COL5A1: variants seen among roughly 807,000 people sequenced by gnomAD.
COL5A1 encodes collagen alpha-1(V) chain.
In COL5A1, 16 loss-of-function variants were observed where a neutral mutation model predicts 263.7. The ratio of observed to expected loss-of-function variants is 0.06; its 90% CI spans 0.04 to 0.09. The LOEUF (loss-of-function observed/expected upper bound fraction) is 0.09, where lower values mean the gene tolerates loss of function less well. Ranked by LOEUF, COL5A1 falls within the 10% of genes least tolerant of loss-of-function variation. The pLI, the probability that COL5A1 is intolerant of heterozygous loss-of-function variation, is 1.00. For missense variants in COL5A1, 2,036 were observed against 2,540.5 expected (o/e 0.80, Z 4.27); for synonymous variants, 1,012 against 1,004.5 (o/e 1.01, Z -0.14).
At chr9:134,834,574 C>T (rs1839775320) in intron 64 of COL5A1, among the ~76,000 whole-genome samples, 1 of 152,146 alleles carries the variant, frequency 6.6e-6, no homozygotes, top group African/African-American at 2.4e-5. Flanking sequence ...GCCATCCTGC[C>T]CTCTCTGAAC....
In COL5A1 at chr9:134,824,716, G is replaced by T; in HGVS notation, c.4815G>T (p.Ala1605=). The change falls in exon 62 of 66, where the codon GCG becomes GCT. Residue 1605 remains alanine (A), a synonymous_variant. Transcript: ENST00000371817. ...ATGGCGAGAACTACGTGGACTACGCGGACGGCATGGAAGAGATCTTCGGCT... is the reference window on the plus strand; with the variant it reads ...ATGGCGAGAACTACGTGGACTACGCTGACGGCATGGAAGAGATCTTCGGCT... ...DGNGENYVDY[A]DGMEEIFGSL... 1 of 1,614,220 alleles carries T rather than the reference G, an allele frequency of 6.2e-7. No homozygotes were observed. The highest frequency in any genetic ancestry group is 1.1e-5 in the South Asian group (1 of 91,090).
intron 4 of COL5A1, among the ~76,000 whole-genome samples, chr9:134,726,177 C>G (rs146010397): frequency 0.015 from 2,236 of 152,354 alleles, 20 homozygotes; most frequent in Middle Eastern, 0.041. Context: ...TTTCTCACAA[C>G]AGGCAAAAGC....
At position 134,707,048 on chromosome 9, in the gene COL5A1, C is replaced by T. The variant is rs114968783; in HGVS notation, c.654+5715C>T. ...GGCCCTGAGCTGGCCCAGTGAGCCA[C>T]GTCAGGGAGGCTGGGAGGCGGGACT... On this transcript the variant is annotated intron_variant, in intron 4 of 65. Transcript: ENST00000371817. Among the ~76,000 whole-genome samples the T allele has an allele frequency of 7.1e-3, 1,082 of 152,306 alleles. 10 individuals are homozygous for T. Among genetic ancestry groups the T allele is most frequent in the African/African-American group, 0.024 (1,005 of 41,580 alleles).
chr9:134,804,588 G>A (rs766616576), intron 39 of COL5A1, among the ~76,000 whole-genome samples: 13 of 152,228 alleles, frequency 8.5e-5, no homozygotes, highest in African/African-American at 1.9e-4. Context: ...CCGGAACTCC[G>A]TGGAGCAGGG....
chr9:134,797,867 T>G (rs1434647274), intron 36 of COL5A1, among the ~76,000 whole-genome samples: 2 of 152,226 alleles, frequency 1.3e-5, no homozygotes, highest in Non-Finnish European at 2.9e-5. Context: ...CCTAATTCAG[T>G]TACACTGGCA....
chr9:134,672,540 A>G (rs1832565906), intron 1 of COL5A1, among the ~76,000 whole-genome samples: 1 of 152,252 alleles, frequency 6.6e-6, no homozygotes. Context: ...ATAAAAGAGA[A>G]GCCCCTCAAT....
intron 64 of COL5A1, chr9:134,830,400 G>A (rs1048322102): frequency 7.3e-5 from 44 of 603,448 alleles, no homozygotes; most frequent in Non-Finnish European, 1.1e-4. Flanking sequence ...ATGGTTTTCC[G>A]TTTCTGTGTA....
At chr9:134,810,374 G>C in intron 44 of COL5A1, 66 bp downstream of exon 44, 1 of 1,484,220 alleles carries the variant, frequency 6.7e-7, no homozygotes, top group Non-Finnish European at 9.4e-7. Context: ...CAGGCTGTAG[G>C]CCGTGTGCCA....
Position 134,755,735 on chromosome 9 carries a change from G to A in COL5A1, c.1828-1030G>A, listed in dbSNP as rs1004980270. Among the ~76,000 whole-genome samples, 9 of 152,264 alleles carry A rather than the reference G, an allele frequency of 5.9e-5. No homozygotes were observed. The highest frequency in any genetic ancestry group is 7.3e-5 in the Non-Finnish European group (5 of 68,050). Reference sequence around the variant, plus strand: ...GGCCCCTCCATTTGCCCAACAGGGCGATGTCTTTTTGGGGAGCAACGGGAG... The same window carrying A: ...GGCCCCTCCATTTGCCCAACAGGGCAATGTCTTTTTGGGGAGCAACGGGAG... On this transcript the variant is annotated intron_variant, in intron 16 of 65. Transcript: ENST00000371817. This position sits in a 1 kb window ranked among gnomAD's most constrained non-coding sequence, Gnocchi z 4.1.
intron 9 of COL5A1, among the ~76,000 whole-genome samples, chr9:134,735,447 A>G (rs1273676767): frequency 2.8e-5 from 4 of 141,798 alleles, no homozygotes; most frequent in Admixed American, 6.9e-5. Flanking sequence ...CGCTGGGTCA[A>G]TTTTGAGAGT....
rs543242285 is a variant in COL5A1 at position 134,839,172 on chromosome 9, C to T, written c.5371-2985C>T. Among the ~76,000 whole-genome samples the T allele has an allele frequency of 7.9e-4, 121 of 152,344 alleles. 1 individual carries two copies. The highest frequency in any genetic ancestry group is 1.5e-3 in the Non-Finnish European group (99 of 68,032). ...GGCTGGGGCGCCTGATTGACGGGGC[C>T]GCTGAGCGGGCCCAGTGGAGAGGCA... On this transcript the variant is annotated intron_variant, in intron 65 of 65. Transcript: ENST00000371817.
intron 2 of COL5A1, among the ~76,000 whole-genome samples, chr9:134,691,401 G>A (rs1051363994): frequency 2.0e-5 from 3 of 152,164 alleles, no homozygotes; most frequent in East Asian, 1.9e-4. Context: ...AGAAAGAGTC[G>A]GATGGGTCCT....
At chr9:134,823,525 G>A in intron 61 of COL5A1, 56 bp downstream of exon 61, 1 of 1,578,402 alleles carries the variant, frequency 6.3e-7, no homozygotes. Flanking sequence ...AGCTCCGAGG[G>A]AATTGAGAAA....
At chr9:134,722,863 T>C (rs1357077521) in intron 4 of COL5A1, among the ~76,000 whole-genome samples, 1 of 152,054 alleles carries the variant, frequency 6.6e-6, no homozygotes, top group African/African-American at 2.4e-5. Flanking sequence ...TGGGCAGCTC[T>C]GCTGGCCTCA....
intron 11 of COL5A1, among the ~76,000 whole-genome samples, chr9:134,745,038 T>G (rs925197454): frequency 6.6e-6 from 1 of 152,242 alleles, no homozygotes; most frequent in South Asian, 2.1e-4. Flanking sequence ...AGCCTGGTCG[T>G]GAATGACTTC....
intron 19 of COL5A1, among the ~76,000 whole-genome samples, chr9:134,763,426 C>T (rs780085317): frequency 6.6e-6 from 1 of 152,242 alleles, no homozygotes; most frequent in Non-Finnish European, 1.5e-5. Flanking sequence ...GATGCTCTTT[C>T]TGCCCAGCCT....
chr9:134,729,448 C>T (rs1332726584), intron 6 of COL5A1, among the ~76,000 whole-genome samples: 1 of 151,640 alleles, frequency 6.6e-6, no homozygotes, highest in Non-Finnish European at 1.5e-5. Flanking sequence ...TGTGTGTGTG[C>T]ATGAACGAGT....
intron 26 of COL5A1, among the ~76,000 whole-genome samples, chr9:134,774,114 G>T (rs921527649): frequency 6.6e-6 from 1 of 152,220 alleles, no homozygotes; most frequent in Non-Finnish European, 1.5e-5. Context: ...TTTTCAACTG[G>T]AACGAGAGGC....
At position 134,765,449 on chromosome 9, in the gene COL5A1, G is replaced by C. The variant is rs527420162; in HGVS notation, c.2035-232G>C. Among the ~76,000 whole-genome samples, 12 of 152,212 alleles carry C rather than the reference G, an allele frequency of 7.9e-5. No homozygotes were observed. Among genetic ancestry groups the C allele is most frequent in the African/African-American group, 2.9e-4 (12 of 41,540 alleles). On this transcript the variant is annotated intron_variant, in intron 20 of 65. Coordinates refer to ENST00000371817, the MANE Select transcript of COL5A1 (RefSeq NM_000093.5). This position sits in a 1 kb window ranked among gnomAD's most constrained non-coding sequence, Gnocchi z 5.1. ...GAGGGTGCCCTGTGGTGTCCTCTCT[G>C]AGTTCTCACCAATTCCAGACACCTG...
Sources: gnomAD v4.1 joint callset for allele counts (sites outside exome capture counted in the v4.1 genomes callset) on GRCh38, gnomAD v4.1.1 for gene constraint, Gnocchi (gnomAD v3.1) non-coding constraint, MANE v1.5 for transcripts, NCBI Gene and HGNC (gene_info 2026-07-23, HGNC 2026-07-21) for gene names.